DYM: variants seen among roughly 807,000 people sequenced by gnomAD.
DYM encodes dymeclin.
DYM carries 78 observed loss-of-function variants against 93.1 expected under a neutral mutation model. The ratio of observed to expected loss-of-function variants is 0.84; its 90% CI spans 0.70 to 1.01. The LOEUF is 1.01. Ranked by LOEUF, DYM falls within the 50% of genes least tolerant of loss-of-function variation. DYM has a pLI of 0.00. For missense variants in DYM, 789 were observed against 845.0 expected, an observed-to-expected ratio of 0.93 and a Z score of 0.82; for synonymous variants, 321 against 319.7, an observed-to-expected ratio of 1.00 and a Z score of -0.04.
Position 49,113,482 on chromosome 18 carries a change from G to A in DYM, c.1911+5262C>T, listed in dbSNP as rs758868211. ...CATCTATCTAATTCCTTCTGCAGACGTTAAAAGTGCTCCAAGGTTAGCCAC... is the reference window on the plus strand; with the variant it reads ...CATCTATCTAATTCCTTCTGCAGACATTAAAAGTGCTCCAAGGTTAGCCAC... On this transcript the variant is annotated intron_variant, in intron 16 of 17. Coordinates refer to ENST00000675505, the MANE Select transcript of DYM (RefSeq NM_001353214.3). Among the ~76,000 whole-genome samples the A allele has an allele frequency of 5.9e-5, 9 of 152,276 alleles. 1 individual carries two copies. Among genetic ancestry groups the A allele is most frequent in the Middle Eastern group, 6.8e-3 (2 of 294 alleles).
At chr18:49,227,286 G>A (rs539041964) in intron 13 of DYM, among the ~76,000 whole-genome samples, 5 of 152,234 alleles carry the variant, frequency 3.3e-5, no homozygotes, top group African/African-American at 1.2e-4. Flanking sequence ...ACAAATATTA[G>A]ATCAGTGAAG....
At chr18:49,059,178 C>T (rs887047518) in intron 17 of DYM, among the ~76,000 whole-genome samples, 1 of 152,206 alleles carries the variant, frequency 6.6e-6, no homozygotes, top group Admixed American at 6.5e-5. Context: ...AGACCACAGC[C>T]AGCCAGCTAG....
intron 17 of DYM, among the ~76,000 whole-genome samples, chr18:49,085,606 C>CTTTTTTATTTTT (rs2078439981): frequency 9.8e-6 from 1 of 102,156 alleles, no homozygotes; most frequent in African/African-American, 3.6e-5. Flanking sequence ...ACAACTGGTC[C>CTTTTTTATTTTT]TTTTTTTTTT....
intron 1 of DYM, among the ~76,000 whole-genome samples, chr18:49,441,186 TATATA>T (rs1249726300): frequency 2.9e-5 from 1 of 34,978 alleles, no homozygotes; most frequent in Admixed American, 5.8e-4. Flanking sequence ...TATATATTTA[TATATA>T]ATATATTATA....
chr18:49,430,894 A>G (rs1600197742), intron 1 of DYM, among the ~76,000 whole-genome samples: 1 of 152,224 alleles, frequency 6.6e-6, no homozygotes, highest in East Asian at 1.9e-4. Flanking sequence ...AAAAAAAAAA[A>G]AAAAAGAAAT....
Position 49,042,713 on chromosome 18 carries a change from A to T in DYM, c.*1342T>A, listed in dbSNP as rs2071021813. On this transcript the variant is annotated 3_prime_UTR_variant, in exon 18 of 18. Coordinates refer to ENST00000675505, the MANE Select transcript of DYM (RefSeq NM_001353214.3). Reference sequence around the variant, plus strand: ...CAAATACTTTTTCTTTGAGAATGAAACTAGGCTCCTTATCTAGACTGTGAA... The same window carrying T: ...CAAATACTTTTTCTTTGAGAATGAATCTAGGCTCCTTATCTAGACTGTGAA... The T allele has an allele frequency of 6.6e-6, 1 of 152,190 alleles. No homozygotes were observed. The highest frequency in any genetic ancestry group is 2.1e-4 in the South Asian group (1 of 4,832). The allele number at this position is 152,190 out of a possible 1,614,324, so 9.4% of individuals were successfully genotyped here. A position where few individuals can be genotyped will look rare whatever the true frequency, so the allele number is the denominator to read the frequency against.
chr18:49,174,592 AG>A (rs2089171338), intron 14 of DYM, among the ~76,000 whole-genome samples: 1 of 152,126 alleles, frequency 6.6e-6, no homozygotes, highest in South Asian at 2.1e-4. Context: ...TCCTGAAAAA[AG>A]TGAGATTATG....
chr18:49,233,454 C>A (rs1018149228), intron 13 of DYM, among the ~76,000 whole-genome samples: 20 of 151,846 alleles, frequency 1.3e-4, no homozygotes, highest in Admixed American at 1.2e-3. Flanking sequence ...TCTAGATGCT[C>A]TTTCAGGTAT....
In DYM at chr18:49,243,848, G is replaced by A. The variant is rs117436411; in HGVS notation, c.1460+13162C>T. ...TGTACTCAGATACCATTATTATGTCGATATCAGGCAGTAAGTTATGACAGA... is the reference window on the plus strand; with the variant it reads ...TGTACTCAGATACCATTATTATGTCAATATCAGGCAGTAAGTTATGACAGA... On this transcript the variant is annotated intron_variant, in intron 13 of 17. Transcript: ENST00000675505. Among the ~76,000 whole-genome samples the A allele has an allele frequency of 4.7e-4, 71 of 152,060 alleles. No homozygotes were observed. The East Asian group carries it at 7.9e-3, about 17-fold the overall frequency.
At chr18:49,151,864 C>G (rs779923042) in intron 15 of DYM, among the ~76,000 whole-genome samples, 15 of 151,936 alleles carry the variant, frequency 9.9e-5, no homozygotes, top group South Asian at 2.1e-4. Flanking sequence ...TCTGAGCAAA[C>G]AGAAAATTAA....
chr18:49,219,436 T>C (rs1337605722), intron 13 of DYM, among the ~76,000 whole-genome samples: 1 of 152,046 alleles, frequency 6.6e-6, no homozygotes, highest in Non-Finnish European at 1.5e-5. Context: ...TACCAAAGCC[T>C]GGCAGAGACA....
intron 8 of DYM, among the ~76,000 whole-genome samples, chr18:49,311,854 AC>A (rs2061613085): frequency 6.6e-6 from 1 of 151,686 alleles, no homozygotes; most frequent in Non-Finnish European, 1.5e-5. Context: ...ATGCACATGT[AC>A]CCTAGAACTT....
chr18:49,244,975 A>G (rs1598872287), intron 13 of DYM, among the ~76,000 whole-genome samples: 1 of 152,374 alleles, frequency 6.6e-6, no homozygotes, highest in African/African-American at 2.4e-5. Context: ...GCCATAGCAG[A>G]AGAACATAAA....
chr18:49,454,534 T>C (rs1409631587), intron 1 of DYM, among the ~76,000 whole-genome samples: 1 of 152,020 alleles, frequency 6.6e-6, no homozygotes, highest in Non-Finnish European at 1.5e-5. Flanking sequence ...CCCCACACAC[T>C]CTGTAGACGT....
chr18:49,244,923 G>C (rs1568092070), intron 13 of DYM, among the ~76,000 whole-genome samples: 1 of 152,204 alleles, frequency 6.6e-6, no homozygotes, highest in Non-Finnish European at 1.5e-5. Context: ...CTGGGTAACT[G>C]TTGCGGGAAA....
chr18:49,188,134 C>T (rs2090624944), intron 14 of DYM, among the ~76,000 whole-genome samples: 2 of 152,188 alleles, frequency 1.3e-5, no homozygotes, highest in South Asian at 4.1e-4. Context: ...ATAAAGCAAT[C>T]ATTTTAAGCG....
intron 6 of DYM, among the ~76,000 whole-genome samples, chr18:49,355,220 TATAG>T (rs1476539416): frequency 6.6e-6 from 1 of 151,874 alleles, no homozygotes. Flanking sequence ...TCAATAAACT[TATAG>T]ATACATTGAT....
At chr18:49,162,854 TG>T (rs751944268) in intron 15 of DYM, among the ~76,000 whole-genome samples, 4 of 152,210 alleles carry the variant, frequency 2.6e-5, no homozygotes, top group Non-Finnish European at 4.4e-5. Context: ...GAGGAAGGGC[TG>T]GGGTTGCTAT....
intron 2 of DYM, among the ~76,000 whole-genome samples, chr18:49,420,013 A>T (rs1004113776): frequency 6.6e-6 from 1 of 152,184 alleles, no homozygotes; most frequent in African/African-American, 2.4e-5. Flanking sequence ...AAAGTTGTTG[A>T]TGCTATAGCT....
Sources: allele counts gnomAD v4.1 joint callset (sites outside exome capture counted in the v4.1 genomes callset), GRCh38; gene constraint gnomAD v4.1.1; transcripts MANE v1.5; gene names NCBI Gene and HGNC (gene_info 2026-07-23, HGNC 2026-07-21).